Variants in ARHGAP28 observed in about 807,000 individuals in gnomAD.
The protein encoded by ARHGAP28 is Rho GTPase activating protein 28, also known as rho GTPase-activating protein 28.
Under a neutral mutation model 90.7 loss-of-function variants are expected in ARHGAP28, and 56 were observed. The ratio of observed to expected loss-of-function variants is 0.62; its 90% CI spans 0.50 to 0.77. ARHGAP28 has a LOEUF of 0.77. Among genes scored for constraint, ARHGAP28 ranks in the 30% least tolerant of loss-of-function variants. The pLI is 0.00. For missense variants in ARHGAP28, 869 were observed against 900.9 expected, an observed-to-expected ratio of 0.96 and a Z score of 0.45; for synonymous variants, 308 against 323.3, an observed-to-expected ratio of 0.95 and a Z score of 0.51.
At chr18:6,909,253 T>G (rs377749673) in intron 17 of ARHGAP28, among the ~76,000 whole-genome samples, 6 of 59,404 alleles carry the variant, frequency 1.0e-4, no homozygotes, top group African/African-American at 2.4e-4. Flanking sequence ...CTTGGGTCTT[T>G]TCTTTTCTTT....
intron 2 of ARHGAP28, among the ~76,000 whole-genome samples, chr18:6,826,069 A>G (rs2056659977): frequency 6.7e-6 from 1 of 150,014 alleles, no homozygotes; most frequent in South Asian, 2.1e-4. Context: ...TTACACTCCC[A>G]CCAACAACAG....
At chr18:6,740,723 A>G (rs748680861) in intron 1 of ARHGAP28, among the ~76,000 whole-genome samples, 1 of 152,184 alleles carries the variant, frequency 6.6e-6, no homozygotes, top group African/African-American at 2.4e-5. Flanking sequence ...TTAACCAGCT[A>G]AGGAGCTCAG....
intron 1 of ARHGAP28, among the ~76,000 whole-genome samples, chr18:6,816,960 C>T (rs2056595237): frequency 6.6e-6 from 1 of 151,822 alleles, no homozygotes; most frequent in Non-Finnish European, 1.5e-5. Context: ...TGTGGTGGTG[C>T]ACACCTGTAG....
At chr18:6,816,643 A>G (rs959386786) in intron 1 of ARHGAP28, among the ~76,000 whole-genome samples, 3 of 152,184 alleles carry the variant, frequency 2.0e-5, no homozygotes, top group African/African-American at 7.2e-5. Context: ...AACTCATGGA[A>G]TCTGTTCAGT....
chr18:6,860,139 T>C (rs568470246), intron 5 of ARHGAP28, among the ~76,000 whole-genome samples: 1 of 152,336 alleles, frequency 6.6e-6, no homozygotes, highest in South Asian at 2.1e-4. Context: ...AAGGATGTTT[T>C]TTATGTGTAT....
intron 1 of ARHGAP28, among the ~76,000 whole-genome samples, chr18:6,764,552 CATT>C (rs1474532810): frequency 2.0e-5 from 3 of 152,144 alleles, no homozygotes; most frequent in Non-Finnish European, 4.4e-5. Flanking sequence ...TTGGCCCTGA[CATT>C]GTTGTAATAA....
intron 1 of ARHGAP28, among the ~76,000 whole-genome samples, chr18:6,820,390 G>A (rs959011260): frequency 6.6e-6 from 1 of 152,162 alleles, no homozygotes; most frequent in Non-Finnish European, 1.5e-5. Context: ...TTGGGGGAGG[G>A]AAGCAAAGCA....
At chr18:6,870,470 A>G (rs957952036) in intron 6 of ARHGAP28, 120 bp from the exon 7 acceptor site, 1 of 1,053,350 alleles carries the variant, frequency 9.5e-7, no homozygotes, top group Non-Finnish European at 1.4e-6. Flanking sequence ...TTCCTCGCAT[A>G]TAAACACTGT....
At chr18:6,758,558 G>A (rs549797107) in intron 1 of ARHGAP28, among the ~76,000 whole-genome samples, 16 of 152,204 alleles carry the variant, frequency 1.1e-4, no homozygotes, top group Non-Finnish European at 1.3e-4. Context: ...TCCTGACCTC[G>A]GGTGATCCGC....
intron 1 of ARHGAP28, among the ~76,000 whole-genome samples, chr18:6,783,765 TCAGGGA>T (rs1429026140): frequency 6.6e-6 from 1 of 152,158 alleles, no homozygotes; most frequent in Non-Finnish European, 1.5e-5. Flanking sequence ...CAAGAGGCAA[TCAGGGA>T]CTGGGAAGAA....
At chr18:6,905,796 T>C (rs942435508) in intron 16 of ARHGAP28, among the ~76,000 whole-genome samples, 1 of 152,080 alleles carries the variant, frequency 6.6e-6, no homozygotes, top group Admixed American at 6.5e-5. Flanking sequence ...CCCTTTACAG[T>C]CACTCTAAAA....
At position 6,840,952 on chromosome 18, in the gene ARHGAP28, A is replaced by G. The variant is rs73384543; in HGVS notation, c.543+3538A>G. On this transcript the variant is annotated intron_variant, in intron 3 of 17. Transcript: ENST00000383472. ...TTACAATATATAAGGCCTAAGAAAC[A>G]TCTTCACAGATGTTGTTTCCTAAAA... Among the ~76,000 whole-genome samples the G allele has an allele frequency of 2.9e-3, 448 of 152,282 alleles. 1 individual carries two copies. Among genetic ancestry groups the G allele is most frequent in the African/African-American group, 0.01 (429 of 41,558 alleles).
intron 17 of ARHGAP28, among the ~76,000 whole-genome samples, chr18:6,909,345 T>G (rs924118957): frequency 7.0e-6 from 1 of 142,354 alleles, no homozygotes; most frequent in African/African-American, 2.6e-5. Context: ...CAGGTTGGAG[T>G]GCAGTGGAGT....
chr18:6,741,774 C>G (rs970987930), intron 1 of ARHGAP28, among the ~76,000 whole-genome samples: 2 of 152,152 alleles, frequency 1.3e-5, no homozygotes, highest in African/African-American at 4.8e-5. Flanking sequence ...TCTTTTACTC[C>G]CCTACCCCCA....
chr18:6,863,745 C>T lies in ARHGAP28; in HGVS notation c.726+3848C>T, dbSNP rs2057015778. On this transcript the variant is annotated intron_variant, in intron 5 of 17. Transcript: ENST00000383472. ...ATATTTAATAATTTGTTTATGAAAC[C>T]TCCAAAGCCTGATATCATTGTAGGC... is the stretch of plus-strand genomic sequence containing the variant. Among the ~76,000 whole-genome samples the T allele has an allele frequency of 2.7e-5, 4 of 150,304 alleles. 1 individual carries two copies. The South Asian group carries it at 8.4e-4, about 31-fold the overall frequency.
intron 3 of ARHGAP28, 107 bp from the exon 4 acceptor site, chr18:6,850,927 G>A: frequency 1.9e-6 from 3 of 1,543,824 alleles, no homozygotes. Flanking sequence ...TATATCTCCA[G>A]GCAGCTGTAC....
At chr18:6,827,836 C>A (rs1021357224) in intron 2 of ARHGAP28, among the ~76,000 whole-genome samples, 5 of 151,514 alleles carry the variant, frequency 3.3e-5, no homozygotes, top group Non-Finnish European at 7.4e-5. Flanking sequence ...GGGTCGCGGC[C>A]GGACAGAGGC....
chr18:6,739,672 T>TC (rs200586955), intron 1 of ARHGAP28, among the ~76,000 whole-genome samples: 1 of 151,462 alleles, frequency 6.6e-6, no homozygotes, highest in African/African-American at 2.4e-5. Context: ...TCTCTCTCTC[T>TC]TTCTTTCAGA....
At chr18:6,877,996 G>T (rs1416139914) in intron 10 of ARHGAP28, among the ~76,000 whole-genome samples, 1 of 152,058 alleles carries the variant, frequency 6.6e-6, no homozygotes, top group Non-Finnish European at 1.5e-5. Context: ...GTGTATGTAT[G>T]TGCCTGTGTA....
Sources: allele counts gnomAD v4.1 joint callset (sites outside exome capture counted in the v4.1 genomes callset), GRCh38; gene constraint gnomAD v4.1.1; transcripts MANE v1.5; gene names NCBI Gene and HGNC (gene_info 2026-07-23, HGNC 2026-07-21).